The following TAOK1 variants were observed in gnomAD, a reference collection of about 807,000 sequenced individuals.
TAOK1 encodes the protein TAO kinase 1, also known as serine/threonine-protein kinase TAO1.
In TAOK1, 21 loss-of-function variants were observed where a neutral mutation model predicts 138.3. The observed-to-expected ratio is 0.15, with a 90% confidence interval of 0.11 to 0.22. The LOEUF is 0.22. TAOK1 is among the 10% of genes least tolerant of loss of function. The probability of loss-of-function intolerance (pLI) is 1.00; values close to 1 mark genes in which losing one functional copy is unlikely to be tolerated. For missense variants in TAOK1, 651 were observed against 1,227.7 expected, an observed-to-expected ratio of 0.53 and a Z score of 7.02; for synonymous variants, 361 against 398.4, an observed-to-expected ratio of 0.91 and a Z score of 1.12.
intron 1 of TAOK1, among the ~76,000 whole-genome samples, chr17:29,428,331 T>C (rs1905714491): frequency 6.6e-6 from 1 of 152,138 alleles, no homozygotes; most frequent in African/African-American, 2.4e-5. Context: ...GGTGTTTTGC[T>C]GTAGAACAGA....
At chr17:29,435,525 T>A (rs149205858) in intron 1 of TAOK1, among the ~76,000 whole-genome samples, 2 of 152,224 alleles carry the variant, frequency 1.3e-5, no homozygotes, top group Non-Finnish European at 2.9e-5. Flanking sequence ...CACCTATGAG[T>A]TGGGTGATCC....
intron 13 of TAOK1, among the ~76,000 whole-genome samples, chr17:29,506,139 A>G (rs1021191703): frequency 9.2e-5 from 14 of 152,178 alleles, no homozygotes; most frequent in African/African-American, 3.4e-4. Flanking sequence ...ACTGAAATTA[A>G]TATGTTGAAG....
chr17:29,531,623 CGTG>C (rs1274571327), intron 18 of TAOK1, among the ~76,000 whole-genome samples: 1 of 151,306 alleles, frequency 6.6e-6, no homozygotes, highest in Non-Finnish European at 1.5e-5. Flanking sequence ...ATTAGCCAGG[CGTG>C]GTGGTGGGCG....
Position 29,451,686 on chromosome 17 carries a change from T to A in TAOK1, c.132+6T>A. 1.2e-6 allele frequency: 2 copies of A among 1,609,630 alleles called. No individual in the cohort carries two copies. Among genetic ancestry groups the A allele is most frequent in the Non-Finnish European group, 1.7e-6 (2 of 1,178,486 alleles). On this transcript the variant is annotated splice_donor_region_variant and intron_variant, in intron 2 of 19. Coordinates refer to ENST00000261716, the MANE Select transcript of TAOK1 (RefSeq NM_020791.4). ...GCTTTGGAGCAGTGTATTTTGTAAGTGTTAGTGGCTTGATGTCAGTGACTA... is the reference window on the plus strand; with the variant it reads ...GCTTTGGAGCAGTGTATTTTGTAAGAGTTAGTGGCTTGATGTCAGTGACTA...
intron 1 of TAOK1, among the ~76,000 whole-genome samples, chr17:29,405,313 T>G (rs1904961517): frequency 6.6e-6 from 1 of 152,218 alleles, no homozygotes; most frequent in Non-Finnish European, 1.5e-5. Context: ...TAAAAATGCT[T>G]TCAGAGCACA....
chr17:29,495,411 A>T lies in TAOK1; in HGVS notation c.832-149A>T, dbSNP rs2031392370. 7.2e-6 allele frequency: 4 copies of T among 554,374 alleles called. No individual in the cohort carries two copies. In the African/African-American group the frequency reaches 7.6e-5, roughly 11 times the overall value. 34.3% of individuals were successfully genotyped at this position (554,374 alleles called of 1,614,324 possible). A position where few individuals can be genotyped will look rare whatever the true frequency, so the allele number is the denominator to read the frequency against. ...CACAGAGTATATGTATGTAAATGAT[A>T]ATTTTATAAATAGAAGAAATTTAAC... On this transcript the variant is annotated intron_variant, in intron 10 of 19. Transcript: ENST00000261716.
chr17:29,503,979 C>T (rs1240747572), intron 13 of TAOK1, among the ~76,000 whole-genome samples: 1 of 151,930 alleles, frequency 6.6e-6, no homozygotes, highest in South Asian at 2.1e-4. Flanking sequence ...GGCATGGTGG[C>T]GTGTGCCTGT....
chr17:29,454,396 C>T (rs1214235109), intron 2 of TAOK1, among the ~76,000 whole-genome samples: 2 of 151,790 alleles, frequency 1.3e-5, no homozygotes, highest in Non-Finnish European at 2.9e-5. Context: ...TTTCAGAGCT[C>T]CTTGAAATTT....
At chr17:29,482,314 G>T (rs765221651) in intron 8 of TAOK1, 26 bp downstream of exon 8, 1 of 1,555,446 alleles carries the variant, frequency 6.4e-7, no homozygotes, top group Non-Finnish European at 8.8e-7. Flanking sequence ...CATTACTATG[G>T]ATTAAGTTTT....
intron 8 of TAOK1, among the ~76,000 whole-genome samples, chr17:29,485,251 A>G (rs2031146599): frequency 6.6e-6 from 1 of 152,208 alleles, no homozygotes; most frequent in East Asian, 1.9e-4. Flanking sequence ...CTTTATAAAA[A>G]TATAATTTAC....
At chr17:29,464,412 C>G (rs1038437300) in intron 2 of TAOK1, among the ~76,000 whole-genome samples, 4 of 150,010 alleles carry the variant, frequency 2.7e-5, no homozygotes, top group African/African-American at 9.8e-5. Flanking sequence ...GCGCTGCACT[C>G]CAGCCTGGAC....
chr17:29,528,582 G>C (rs1036660707), intron 17 of TAOK1, among the ~76,000 whole-genome samples: 1 of 151,924 alleles, frequency 6.6e-6, no homozygotes, highest in African/African-American at 2.4e-5. Flanking sequence ...GCTTATGCCT[G>C]TAATCCCAGC....
intron 8 of TAOK1, among the ~76,000 whole-genome samples, chr17:29,488,496 C>T (rs927821520): frequency 7.4e-5 from 6 of 80,664 alleles, no homozygotes; most frequent in East Asian, 2.0e-4. Context: ...CGCTTGAACC[C>T]GGGAGGCGGA....
chr17:29,530,979 T>TTTTTTTTTTTTTTG (rs2032092142), intron 18 of TAOK1, among the ~76,000 whole-genome samples: 1 of 145,706 alleles, frequency 6.9e-6, no homozygotes, highest in South Asian at 2.2e-4. Context: ...TTTTTTTTTT[T>TTTTTTTTTTTTTTG]GAGACGGAGT....
intron 1 of TAOK1, among the ~76,000 whole-genome samples, chr17:29,417,449 T>C (rs1905296318): frequency 6.6e-6 from 1 of 152,236 alleles, no homozygotes; most frequent in Non-Finnish European, 1.5e-5. Context: ...TTTTGTTTCT[T>C]TCCACAAAAG....
chr17:29,533,841 G>A (rs933032893), intron 18 of TAOK1, among the ~76,000 whole-genome samples: 1 of 147,064 alleles, frequency 6.8e-6, no homozygotes, highest in Admixed American at 6.9e-5. Context: ...GGGAGAGGGA[G>A]GGGGAGGGGG....
intron 1 of TAOK1, among the ~76,000 whole-genome samples, chr17:29,424,174 A>G (rs2153022042): frequency 6.6e-6 from 1 of 151,974 alleles, no homozygotes; most frequent in South Asian, 2.1e-4. Context: ...ATAAATGAGA[A>G]TTAGGTCAAG....
chr17:29,522,622 T>C (rs1240320548), intron 17 of TAOK1, 103 bp downstream of exon 17: 5 of 1,473,198 alleles, frequency 3.4e-6, no homozygotes, highest in Non-Finnish European at 4.6e-6. Context: ...AGAAATTGAC[T>C]AAGCTTCTTT....
intron 1 of TAOK1, among the ~76,000 whole-genome samples, chr17:29,414,555 C>CTTTA (rs554761995): frequency 2.2e-5 from 3 of 138,146 alleles, no homozygotes; most frequent in East Asian, 2.3e-4. Flanking sequence ...CAGCCCAATA[C>CTTTA]TTTATTTATT....
Sources: gnomAD v4.1 joint callset for allele counts (sites outside exome capture counted in the v4.1 genomes callset) on GRCh38, gnomAD v4.1.1 for gene constraint, MANE v1.5 for transcripts, NCBI Gene and HGNC (gene_info 2026-07-23, HGNC 2026-07-21) for gene names.